RHOA: variants seen among roughly 807,000 people sequenced by gnomAD.
RHOA encodes ras homolog family member A.
In RHOA, 3 loss-of-function variants were observed where a neutral mutation model predicts 17.5. The ratio of observed to expected loss-of-function variants is 0.17; its 90% CI spans 0.08 to 0.44. The LOEUF (loss-of-function observed/expected upper bound fraction) is 0.44. RHOA is among the 20% of genes least tolerant of loss of function. The pLI, the probability that RHOA is intolerant of heterozygous loss-of-function variation, is 0.99. For missense variants in RHOA, 56 were observed against 242.3 expected (o/e 0.23, Z 5.10); for synonymous variants, 98 against 88.4 (o/e 1.11, Z -0.61).
chr3:49,386,569 C>T (rs1026685587), intron 1 of RHOA, among the ~76,000 whole-genome samples: 1 of 152,152 alleles, frequency 6.6e-6, no homozygotes, highest in Admixed American at 6.6e-5. Flanking sequence ...GTACACATTT[C>T]TAAACATTCC....
chr3:49,387,954 T>A (rs765415509), intron 1 of RHOA, among the ~76,000 whole-genome samples: 10 of 151,984 alleles, frequency 6.6e-5, no homozygotes, highest in Admixed American at 2.0e-4. Flanking sequence ...CTCTTACTGT[T>A]TTAATGTCTG....
chr3:49,403,377 A>G (rs1443724379), intron 1 of RHOA, among the ~76,000 whole-genome samples: 1 of 152,162 alleles, frequency 6.6e-6, no homozygotes. Context: ...AATGCTCTTT[A>G]ACTCGACTGA....
At position 49,369,306 on chromosome 3, in the gene RHOA, A is replaced by G. The variant is rs1413090224; in HGVS notation, c.157-758T>C. ...CCAAAGTGCTGGGATTACAGGCATG[A>G]GCCACCACACCCGGCCGAGTATTCA... On this transcript the variant is annotated intron_variant, in intron 2 of 4. Coordinates refer to ENST00000418115, the MANE Select transcript of RHOA (RefSeq NM_001664.4). Among the ~76,000 whole-genome samples, 7 of 150,434 alleles carry G rather than the reference A, an allele frequency of 4.7e-5. No individual in the cohort carries two copies. The East Asian group carries it at 1.4e-3, about 31-fold the overall frequency.
At chr3:49,383,052 C>T (rs941812159) in intron 1 of RHOA, among the ~76,000 whole-genome samples, 1 of 148,550 alleles carries the variant, frequency 6.7e-6, no homozygotes, top group East Asian at 2.0e-4. Flanking sequence ...AAAACTCCAT[C>T]GTATCAGAAA....
At chr3:49,369,531 G>A (rs886082225) in intron 2 of RHOA, among the ~76,000 whole-genome samples, 2 of 150,604 alleles carry the variant, frequency 1.3e-5, no homozygotes, top group Admixed American at 6.6e-5. Flanking sequence ...TCAGGAGTTC[G>A]AGACCAGCCT....
intron 1 of RHOA, among the ~76,000 whole-genome samples, chr3:49,400,501 G>C (rs979778001): frequency 6.6e-6 from 1 of 152,022 alleles, no homozygotes; most frequent in Non-Finnish European, 1.5e-5. Flanking sequence ...ACAGCACTTC[G>C]TCTTTCAGTG....
At chr3:49,408,941 C>T (rs1385292615) in intron 1 of RHOA, among the ~76,000 whole-genome samples, 1 of 151,880 alleles carries the variant, frequency 6.6e-6, no homozygotes, top group East Asian at 2.0e-4. Context: ...TACAGGCGCC[C>T]GCCACCACAC....
At chr3:49,370,114 G>A (rs2048127089) in intron 2 of RHOA, among the ~76,000 whole-genome samples, 1 of 151,968 alleles carries the variant, frequency 6.6e-6, no homozygotes. Flanking sequence ...GACTGTGGTG[G>A]TGCACGCCTG....
intron 1 of RHOA, among the ~76,000 whole-genome samples, chr3:49,402,556 C>T (rs1334058488): frequency 6.6e-6 from 1 of 151,756 alleles, no homozygotes; most frequent in Non-Finnish European, 1.5e-5. Context: ...TGCCTGTAGT[C>T]CCAGATGCTC....
At chr3:49,380,674 AAAT>A (rs199906304) in intron 1 of RHOA, among the ~76,000 whole-genome samples, 20,489 of 137,258 alleles carry the variant, frequency 0.15, 1,622 homozygotes, top group Middle Eastern at 0.18. Context: ...CTTGTCTCAA[AAAT>A]AATAATAATA....
Position 49,360,183 on chromosome 3 carries a change from A to AT in RHOA, c.*25dup, listed in dbSNP as rs1559492550. On this transcript the variant is annotated 3_prime_UTR_variant, in exon 5 of 5. Coordinates refer to ENST00000418115, the MANE Select transcript of RHOA (RefSeq NM_001664.4). ...TAAACAGCACTTCAAAATTAACCGC[A>AT]TAAGGGCTGTGCTTGCAGCAAGGTT... is the stretch of plus-strand genomic sequence containing the variant. 2.5e-6 allele frequency: 4 copies of AT among 1,608,366 alleles called. No individual in the cohort carries two copies. The highest frequency in any genetic ancestry group is 3.4e-6 in the Non-Finnish European group (4 of 1,177,812).
chr3:49,404,191 T>C, intron 1 of RHOA, among the ~76,000 whole-genome samples: 1 of 148,700 alleles, frequency 6.7e-6, no homozygotes, highest in African/African-American at 2.5e-5. Context: ...TAGTCCCAGC[T>C]ACTAGGGAGG....
At chr3:49,386,968 T>A (rs1472437395) in intron 1 of RHOA, among the ~76,000 whole-genome samples, 1 of 149,754 alleles carries the variant, frequency 6.7e-6, no homozygotes, top group Non-Finnish European at 1.5e-5. Context: ...CAAAAAAAAA[T>A]TAGCCAGGCA....
chr3:49,385,581 C>T (rs779969661), intron 1 of RHOA, among the ~76,000 whole-genome samples: 4 of 152,096 alleles, frequency 2.6e-5, no homozygotes, highest in South Asian at 2.1e-4. Flanking sequence ...TGGGGCACAA[C>T]GTTTTTTATT....
chr3:49,382,308 G>C lies in RHOA; in HGVS notation c.-2-6717C>G, dbSNP rs140601303. 2.9e-4 allele frequency among the ~76,000 whole-genome samples: 44 copies of C among 150,624 alleles called. 1 individual carries two copies. Among genetic ancestry groups the C allele is most frequent in the African/African-American group, 1.1e-3 (44 of 40,870 alleles). On this transcript the variant is annotated intron_variant, in intron 1 of 4. Transcript: ENST00000418115. ...CACTCCAGCCTGGGTGACAGAGAGA[G>C]ACTCCGTCTCAAAAATAAATAAATA...
intron 1 of RHOA, among the ~76,000 whole-genome samples, chr3:49,405,775 C>T (rs1367509117): frequency 2.0e-5 from 3 of 152,142 alleles, no homozygotes; most frequent in Non-Finnish European, 4.4e-5. Flanking sequence ...ACCTGCGCCT[C>T]TCAAGTTCGA....
chr3:49,400,092 A>G (rs1047459909), intron 1 of RHOA, among the ~76,000 whole-genome samples: 6 of 151,666 alleles, frequency 4.0e-5, no homozygotes, highest in African/African-American at 1.5e-4. Context: ...CGTGCTTGTA[A>G]TCCCAGCTAC....
chr3:49,362,411 G>A (rs1210989003), intron 4 of RHOA, 85 bp downstream of exon 4: 12 of 1,438,120 alleles, frequency 8.3e-6, no homozygotes, highest in Admixed American at 2.3e-5. Flanking sequence ...CCTGGCCTGT[G>A]AAGGTTCCTG....
chr3:49,389,668 G>A lies in RHOA; in HGVS notation c.-2-14077C>T, dbSNP rs146016967. 9.8e-3 allele frequency among the ~76,000 whole-genome samples: 1,485 copies of A among 152,226 alleles called. 28 individuals are homozygous for A. The highest frequency in any genetic ancestry group is 0.032 in the African/African-American group (1,341 of 41,542). On this transcript the variant is annotated intron_variant, in intron 1 of 4. Transcript: ENST00000418115. Reference sequence around the variant, plus strand: ...TAAATAAAAGTTACAGAAGCCGGGCGCGGTGGCTTACGCCTGTAATCCCAG... The same window carrying A: ...TAAATAAAAGTTACAGAAGCCGGGCACGGTGGCTTACGCCTGTAATCCCAG...
Sources: allele counts gnomAD v4.1 joint callset (sites outside exome capture counted in the v4.1 genomes callset), GRCh38; gene constraint gnomAD v4.1.1; transcripts MANE v1.5; gene names NCBI Gene and HGNC (gene_info 2026-07-23, HGNC 2026-07-21).